PARVB: variants seen among roughly 807,000 people sequenced by gnomAD.
PARVB encodes parvin beta.
A neutral mutation model predicts 47.0 loss-of-function variants in PARVB; 46 were observed. That is an observed-to-expected ratio of 0.98 (90% CI 0.77 to 1.25). PARVB has a LOEUF of 1.25. PARVB is among the 50% of genes most tolerant of loss of function. The pLI is 0.00. For missense variants in PARVB, 473 were observed against 471.6 expected (o/e 1.00, Z -0.03); for synonymous variants, 196 against 196.3 (o/e 1.00, Z 0.01).
intron 1 of PARVB, among the ~76,000 whole-genome samples, chr22:44,047,829 G>A (rs917881191): frequency 2.2e-4 from 34 of 152,288 alleles, no homozygotes; most frequent in African/African-American, 7.2e-4. Flanking sequence ...GGTATTTGAC[G>A]TTGGTGTAAT....
rs566667602 is a variant in PARVB, at chr22:44,053,837, A to AGG, written c.112+29387_112+29388dup. Among the ~76,000 whole-genome samples the AGG allele has an allele frequency of 1.2e-3, 185 of 152,352 alleles. No individual in the cohort carries two copies. In the Middle Eastern group the frequency reaches 0.014, roughly 11 times the overall value. On this transcript the variant is annotated intron_variant, in intron 1 of 12. Transcript: ENST00000338758. ...AAGGATATTACAAAGGATACAGATGAGGAGATACATAGGGTGAGGTGTAGG... is the reference window on the plus strand; with the variant it reads ...AAGGATATTACAAAGGATACAGATGAGGGGAGATACATAGGGTGAGGTGTAGG...
rs538889187 is a variant in PARVB, at chr22:44,046,903, G to T, written c.112+22452G>T. On this transcript the variant is annotated intron_variant, in intron 1 of 12. Coordinates refer to ENST00000338758, the MANE Select transcript of PARVB (RefSeq NM_013327.5). ...AGAGCAGCAGCCTAATCTCAAGATG[G>T]TTTAGAGGATTTAGCGGGGGCGTGC... 2.6e-5 allele frequency among the ~76,000 whole-genome samples: 4 copies of T among 152,242 alleles called. No individual in the cohort carries two copies. The East Asian group carries it at 5.8e-4, about 22-fold the overall frequency.
At chr22:44,002,738 G>A (rs558013304) in intron 2 of PARVB, among the ~76,000 whole-genome samples, 4 of 152,286 alleles carry the variant, frequency 2.6e-5, no homozygotes, top group South Asian at 4.1e-4. Context: ...GTAGTGAACC[G>A]TGGGAGGCTG....
At chr22:44,040,947 G>A (rs561899563) in intron 1 of PARVB, among the ~76,000 whole-genome samples, 14 of 152,028 alleles carry the variant, frequency 9.2e-5, no homozygotes, top group South Asian at 2.1e-4. Flanking sequence ...AGCTTGCAGT[G>A]AGCCGAGATC....
intron 5 of PARVB, 68 bp downstream of exon 5, chr22:44,131,695 C>CA: frequency 2.7e-6 from 4 of 1,487,240 alleles, no homozygotes; most frequent in Non-Finnish European, 3.6e-6. Flanking sequence ...TCGTCATCCA[C>CA]ATTTGTCATC....
rs190656950 is a variant in PARVB, at chr22:44,064,028, C to T, written c.113-29900C>T. Reference sequence around the variant, plus strand: ...TCCTCGGTTTCTGTGTGGTCAGTGGCGCCTTCACCTGTCTCATGCCCTGCC... The same window carrying T: ...TCCTCGGTTTCTGTGTGGTCAGTGGTGCCTTCACCTGTCTCATGCCCTGCC... On this transcript the variant is annotated intron_variant, in intron 1 of 12. Coordinates refer to ENST00000338758, the MANE Select transcript of PARVB (RefSeq NM_013327.5). 5.9e-5 allele frequency among the ~76,000 whole-genome samples: 9 copies of T among 152,314 alleles called. No individual in the cohort carries two copies. The East Asian group carries it at 7.7e-4, about 13-fold the overall frequency.
chr22:44,021,020 C>T (rs927089788), upstream of PARVB, among the ~76,000 whole-genome samples: 11 of 152,108 alleles, frequency 7.2e-5, no homozygotes, highest in Non-Finnish European at 1.6e-4. Context: ...TGACCTCAAG[C>T]GATCCACCCA....
intron 4 of PARVB, among the ~76,000 whole-genome samples, chr22:44,120,934 C>T (rs567579451): frequency 6.6e-6 from 1 of 152,044 alleles, no homozygotes; most frequent in Admixed American, 6.5e-5. Context: ...ACCTCCGACT[C>T]CCTAGTTCAA....
intron 9 of PARVB, chr22:44,148,195 A>C: frequency 2.1e-6 from 1 of 482,648 alleles, no homozygotes; most frequent in Non-Finnish European, 3.8e-6. Context: ...CTGACTCGAG[A>C]CCTTTTTTCA....
At chr22:44,091,516 C>G (rs931538929) in intron 1 of PARVB, among the ~76,000 whole-genome samples, 1 of 152,128 alleles carries the variant, frequency 6.6e-6, no homozygotes, top group Admixed American at 6.6e-5. Context: ...CACCAGACTG[C>G]TTTCTCCTCT....
intron 10 of PARVB, among the ~76,000 whole-genome samples, chr22:44,157,007 G>A (rs1416906791): frequency 2.0e-5 from 3 of 152,182 alleles, no homozygotes; most frequent in Non-Finnish European, 4.4e-5. Context: ...GCTTACACAC[G>A]GTTAAGATGG....
intron 1 of PARVB, among the ~76,000 whole-genome samples, chr22:44,035,788 A>G (rs2050911664): frequency 6.6e-6 from 1 of 151,962 alleles, no homozygotes; most frequent in Admixed American, 6.5e-5. Flanking sequence ...TGGGAACCCA[A>G]ACAGATCACT....
chr22:44,058,988 G>C (rs539873334), intron 1 of PARVB, among the ~76,000 whole-genome samples: 44 of 151,486 alleles, frequency 2.9e-4, no homozygotes, highest in Non-Finnish European at 5.7e-4. Context: ...GATGGGGGGG[G>C]GAAACAGAAG....
chr22:44,137,953 G>A (rs1474993133), intron 7 of PARVB, among the ~76,000 whole-genome samples: 1 of 152,196 alleles, frequency 6.6e-6, no homozygotes, highest in Non-Finnish European at 1.5e-5. Context: ...TGGTGGGCAT[G>A]CTGTGATAGG....
intron 1 of PARVB, among the ~76,000 whole-genome samples, chr22:44,054,462 C>T (rs906444030): frequency 3.9e-5 from 6 of 152,232 alleles, no homozygotes; most frequent in Admixed American, 2.6e-4. Context: ...GCAATCCTCC[C>T]GCCTTGGCCT....
intron 1 of PARVB, among the ~76,000 whole-genome samples, chr22:44,047,014 C>G (rs576832964): frequency 6.6e-6 from 1 of 152,282 alleles, no homozygotes; most frequent in Non-Finnish European, 1.5e-5. Flanking sequence ...TCTTCCTTCC[C>G]CCACCGGCAG....
chr22:44,098,173 C>T (rs1426738270), intron 2 of PARVB, among the ~76,000 whole-genome samples: 1 of 152,150 alleles, frequency 6.6e-6, no homozygotes, highest in Non-Finnish European at 1.5e-5. Flanking sequence ...GAAACGGGCT[C>T]TCTGAAGGCT....
At chr22:44,140,194 C>T in intron 8 of PARVB, 51 bp downstream of exon 8, 1 of 1,587,468 alleles carries the variant, frequency 6.3e-7, no homozygotes, top group Non-Finnish European at 8.7e-7. Flanking sequence ...AGGGCTCCCC[C>T]AGGAAGCTCC....
chr22:44,045,253 C>CTAAATAAATAAA (rs917171948), intron 1 of PARVB, among the ~76,000 whole-genome samples: 5 of 152,170 alleles, frequency 3.3e-5, no homozygotes, highest in African/African-American at 1.2e-4. Flanking sequence ...GAGTCTCTGT[C>CTAAATAAATAAA]TAAATAAATA....
Sources: gnomAD v4.1 joint callset for allele counts (sites outside exome capture counted in the v4.1 genomes callset) on GRCh38, gnomAD v4.1.1 for gene constraint, MANE v1.5 for transcripts, NCBI Gene and HGNC (gene_info 2026-07-23, HGNC 2026-07-21) for gene names.